The following OSBPL10 variants were observed in gnomAD, a reference collection of about 807,000 sequenced individuals.
OSBPL10 encodes oxysterol binding protein like 10.
A neutral mutation model predicts 81.7 loss-of-function variants in OSBPL10; 49 were observed. That is an observed-to-expected ratio of 0.60 (90% confidence interval 0.48 to 0.76). The LOEUF is 0.76. Among genes scored for constraint, OSBPL10 ranks in the 30% least tolerant of loss-of-function variants. OSBPL10 has a pLI of 0.00. For missense variants in OSBPL10, 923 were observed against 987.8 expected (o/e 0.93, Z 0.88); for synonymous variants, 419 against 383.6 (o/e 1.09, Z -1.08).
chr3:31,797,669 G>T, intron 4 of OSBPL10: 1 of 379,306 alleles, frequency 2.6e-6, no homozygotes, highest in Non-Finnish European at 5.4e-6. Context: ...ATAAAAGAGG[G>T]TACATTAAAA....
chr3:31,908,051 G>A (rs1196958695), intron 1 of OSBPL10, among the ~76,000 whole-genome samples: 4 of 152,008 alleles, frequency 2.6e-5, no homozygotes, highest in Non-Finnish European at 5.9e-5. Flanking sequence ...GAAGGAAGAG[G>A]GTAAAGCATG....
rs780374078 is a variant in OSBPL10, at chr3:31,664,201, G to A, written c.2128C>T (p.Arg710Trp). The change falls in exon 11 of 12, where the codon CGG becomes TGG. Residue 710 changes from arginine (R) to tryptophan (W), a missense_variant. Arg to Trp is a moderately radical substitution (Grantham distance 101). Around this residue, in one of 3 missense-constraint regions of OSBPL10, gnomAD observed 387 missense variants for 436.3 expected, o/e 0.89. Coordinates refer to ENST00000396556, the MANE Select transcript of OSBPL10 (RefSeq NM_017784.5). ...NLWREVTRYLRLGDIDAATEQ... is the reference protein window; with the variant it reads ...NLWREVTRYLWLGDIDAATEQ... Reference sequence around the variant, plus strand: ...GTGGCTGCGTCAATGTCCCCCAGCCGCAGGTATCGGGTCACCTCCCGCCAG... The same window carrying A: ...GTGGCTGCGTCAATGTCCCCCAGCCACAGGTATCGGGTCACCTCCCGCCAG... 26 of 1,612,718 alleles carry A rather than the reference G, an allele frequency of 1.6e-5. No individual in the cohort carries two copies. The highest frequency in any genetic ancestry group is 1.5e-4 in the Admixed American group (9 of 59,976).
intron 2 of OSBPL10, among the ~76,000 whole-genome samples, chr3:31,996,662 G>T (rs1248150573): frequency 2.0e-5 from 3 of 152,122 alleles, no homozygotes; most frequent in African/African-American, 7.2e-5. Context: ...GTTGCCGGGT[G>T]CTGACGTTTC....
At chr3:31,758,413 G>A (rs1295088970) in intron 4 of OSBPL10, among the ~76,000 whole-genome samples, 1 of 152,166 alleles carries the variant, frequency 6.6e-6, no homozygotes, top group African/African-American at 2.4e-5. Flanking sequence ...AGAGTTCACA[G>A]CCATGACAGG....
At chr3:31,675,760 A>G (rs1700452484) in intron 8 of OSBPL10, among the ~76,000 whole-genome samples, 1 of 107,838 alleles carries the variant, frequency 9.3e-6, no homozygotes, top group African/African-American at 6.3e-5. Context: ...CCTGGCTAAC[A>G]TGGTAAAACC....
intron 4 of OSBPL10, among the ~76,000 whole-genome samples, chr3:31,824,730 G>C (rs1013921892): frequency 6.6e-6 from 1 of 152,076 alleles, no homozygotes; most frequent in African/African-American, 2.4e-5. Context: ...CTCTTGCTTT[G>C]GAAGTGCCAT....
At chr3:31,813,951 G>A (rs916989445) in intron 4 of OSBPL10, among the ~76,000 whole-genome samples, 15 of 152,202 alleles carry the variant, frequency 9.9e-5, no homozygotes, top group African/African-American at 3.1e-4. Context: ...GGAATACACC[G>A]AGTGGACACA....
intron 7 of OSBPL10, among the ~76,000 whole-genome samples, chr3:31,685,411 C>G (rs1486453576): frequency 6.6e-6 from 1 of 152,176 alleles, no homozygotes; most frequent in East Asian, 1.9e-4. Context: ...CCATGTTGCC[C>G]AGGCTCATTA....
rs1210905897 is a variant in OSBPL10, at chr3:32,050,808, C to A, written n.186-4205G>T. On this transcript the variant is annotated intron_variant and non_coding_transcript_variant, in intron 1 of 3. Transcript: ENST00000479173. ...TCCCAAGTAGCTAGAATTACAGGCG[C>A]CTGCTACCATGCCCGGCTAATTTTG... Among the ~76,000 whole-genome samples the A allele has an allele frequency of 4.6e-5, 7 of 151,936 alleles. No individual in the cohort carries two copies. In the South Asian group the frequency reaches 1.2e-3, roughly 27 times the overall value.
chr3:31,868,195 G>T (rs1347402555), intron 3 of OSBPL10, among the ~76,000 whole-genome samples: 1 of 152,112 alleles, frequency 6.6e-6, no homozygotes, highest in South Asian at 2.1e-4. Context: ...GGGGTCTGGG[G>T]TGACCTTTTG....
chr3:31,977,723 T>G (rs1698727918), intron 1 of OSBPL10, among the ~76,000 whole-genome samples: 2 of 152,242 alleles, frequency 1.3e-5, no homozygotes, highest in Non-Finnish European at 2.9e-5. Context: ...GATTTTTTAT[T>G]GTTGTTCATT....
chr3:31,989,536 G>A (rs764339985), intron 2 of OSBPL10: 6 of 1,614,206 alleles, frequency 3.7e-6, no homozygotes, highest in Non-Finnish European at 5.1e-6. Context: ...GCCTATCAAA[G>A]ATCAGCTTGG....
chr3:31,965,855 T>TA (rs1236946910), intron 1 of OSBPL10, among the ~76,000 whole-genome samples: 5,165 of 84,786 alleles, frequency 0.061, 564 homozygotes, highest in East Asian at 0.32. Flanking sequence ...TATAAAAAGA[T>TA]AATATATAAT....
chr3:31,675,932 C>T (rs1293913433), intron 8 of OSBPL10, among the ~76,000 whole-genome samples: 2 of 130,068 alleles, frequency 1.5e-5, no homozygotes, highest in South Asian at 2.4e-4. Flanking sequence ...GGCGACAGAG[C>T]GAGACTCCAT....
chr3:31,761,827 A>AAAAAAAAAAAAAAAAAAAAAAAAAAAAC (rs996116489), intron 4 of OSBPL10, among the ~76,000 whole-genome samples: 1 of 149,434 alleles, frequency 6.7e-6, no homozygotes, highest in African/African-American at 2.6e-5. Flanking sequence ...AAAAAAAAAA[A>AAAAAAAAAAAAAAAAAAAAAAAAAAAAC]AAAACCCTAA....
intron 1 of OSBPL10, among the ~76,000 whole-genome samples, chr3:32,060,737 C>T (rs1409813282): frequency 3.3e-5 from 3 of 90,790 alleles, no homozygotes; most frequent in African/African-American, 8.5e-5. Context: ...GGGTGGATCA[C>T]CTGAGGTCGG....
intron 3 of OSBPL10, among the ~76,000 whole-genome samples, chr3:31,864,168 A>G (rs962622358): frequency 1.0e-3 from 155 of 152,200 alleles, no homozygotes; most frequent in Admixed American, 0.01. Flanking sequence ...TATATATGGG[A>G]GCACAGAGAG....
chr3:32,073,326 C>A (rs981203615), intron 1 of OSBPL10, among the ~76,000 whole-genome samples: 2 of 152,084 alleles, frequency 1.3e-5, no homozygotes, highest in Admixed American at 6.5e-5. Flanking sequence ...CCTAGCTGGA[C>A]GATCAGTTCT....
chr3:32,034,099 TC>T (rs1327231637), intron 2 of OSBPL10, among the ~76,000 whole-genome samples: 4 of 152,008 alleles, frequency 2.6e-5, no homozygotes, highest in African/African-American at 9.7e-5. Flanking sequence ...TATAAAACCA[TC>T]AGATCTCATG....
Sources: allele counts gnomAD v4.1 joint callset (sites outside exome capture counted in the v4.1 genomes callset), GRCh38; gene constraint gnomAD v4.1.1; regional missense constraint gnomAD v4.1.1; transcripts MANE v1.5; gene names NCBI Gene and HGNC (gene_info 2026-07-23, HGNC 2026-07-21).